Variants in NOP2 observed in about 807,000 individuals in gnomAD.
NOP2 encodes NOP2 nucleolar protein, also known as 28S rRNA (cytosine(4447)-C(5))-methyltransferase.
A neutral mutation model predicts 72.7 loss-of-function variants in NOP2; 7 were observed. The observed-to-expected ratio is 0.10, with a 90% CI of 0.05 to 0.18. The LOEUF is 0.18. Among genes scored for constraint, NOP2 ranks in the 10% least tolerant of loss-of-function variants. NOP2 has a pLI of 1.00. For synonymous variants in NOP2, 387 were observed against 388.0 expected, an observed-to-expected ratio of 1.00 and a Z score of 0.03; for missense variants, 954 against 1,014.7, an observed-to-expected ratio of 0.94 and a Z score of 0.81.
chr12:6,560,886 G>C lies in NOP2; in HGVS notation c.1347+45C>G, dbSNP rs767325526. ...AAACATTGAGGTCAGGAAGGGAGAA[G>C]GTCAACCGGAAGAAGCCTCAGAAGA... On this transcript the variant is annotated intron_variant, in intron 12 of 15. Transcript: ENST00000322166. This position sits in a 1 kb window ranked among gnomAD's most constrained non-coding sequence, Gnocchi z 5.0. The C allele has an allele frequency of 4.3e-6, 7 of 1,612,474 alleles. No individual in the cohort carries two copies. The East Asian group carries it at 6.7e-5, about 15-fold the overall frequency.
At chr12:6,561,189 C>T in intron 11 of NOP2, 119 bp from the exon 12 acceptor site, 1 of 1,232,246 alleles carries the variant, frequency 8.1e-7, no homozygotes, top group Non-Finnish European at 1.1e-6. Flanking sequence ...ACTTCGCTCC[C>T]AACAAGCCTG....
In NOP2 at chr12:6,563,659, C is replaced by T. The variant is rs530987192; in HGVS notation, c.643G>A (p.Asp215Asn). Residue 215 changes from aspartate (D) to asparagine (N), a missense_variant, in exon 7 of 16, where the codon GAT becomes AAT. Asp to Asn is a conservative substitution (Grantham distance 23). This residue lies in a region of NOP2 where 498 missense variants were observed against 478.3 expected (regional missense o/e 1.04). Coordinates refer to ENST00000322166, the MANE Select transcript of NOP2 (RefSeq NM_001258308.2). ...GGGGGCAGCACAAATGGTTCCTCAT[C>T]CACATTGATCTGCAGGCCCCCATCT... is the stretch of plus-strand genomic sequence containing the variant. ...EADGGLQINV[D>N]EEPFVLPPAG... is the part of the protein sequence containing the mutation. 3 of 1,613,576 alleles carry T rather than the reference C, an allele frequency of 1.9e-6. No homozygotes were observed. The South Asian group carries it at 3.3e-5, about 18-fold the overall frequency.
At position 6,557,577 on chromosome 12, in the gene NOP2, T is replaced by C; in HGVS notation, c.1855A>G (p.Ser619Gly). 1 of 1,613,934 alleles carries C rather than the reference T, an allele frequency of 6.2e-7. No individual in the cohort carries two copies. Among genetic ancestry groups the C allele is most frequent in the Non-Finnish European group, 8.5e-7 (1 of 1,179,844 alleles). Residue 619 changes from serine (S) to glycine (G), a missense_variant, in exon 16 of 16, where the codon AGC becomes GGC. This residue lies in a region of NOP2 where 269 missense variants were observed against 260.2 expected (regional missense o/e 1.03). Transcript: ENST00000322166. Reference protein sequence around the residue: ...LPQVIPKSENSSQPAKKAKGA... With the variant: ...LPQVIPKSENGSQPAKKAKGA... ...TTGGCTTTCTTGGCTGGCTGGCTGC[T>C]GTTCTCAGACTTGGGGATGACCTGA... is the stretch of plus-strand genomic sequence containing the variant.
chr12:6,568,163 G>A (rs907825743), intron 1 of NOP2, 44 bp downstream of exon 1: 6 of 538,858 alleles, frequency 1.1e-5, no homozygotes, highest in East Asian at 3.3e-5. Flanking sequence ...CCCAGACCAG[G>A]TCAGTGCTGC....
Position 6,557,585 on chromosome 12 carries a change from G to A in NOP2, c.1847C>T (p.Ser616Phe). ...CTTGGCTGGCTGGCTGCTGTTCTCA[G>A]ACTTGGGGATGACCTGAGGCAAGTC... ...NVDLPQVIPK[S>F]ENSSQPAKKA... The change falls in exon 16 of 16, where the codon TCT (serine) becomes TTT (phenylalanine). Residue 616 changes from serine to phenylalanine, a missense_variant. Physicochemically the swap from Ser to Phe is radical, Grantham distance 155. Coordinates refer to ENST00000322166, the MANE Select transcript of NOP2 (RefSeq NM_001258308.2). 1.9e-6 allele frequency: 3 copies of A among 1,613,850 alleles called. No individual in the cohort carries two copies. Among genetic ancestry groups the A allele is most frequent in the Non-Finnish European group, 2.5e-6 (3 of 1,179,812 alleles).
rs766643315 is a variant in NOP2, at chr12:6,567,809, T to C, written c.103+7A>G. The C allele has an allele frequency of 2.0e-5, 33 of 1,612,514 alleles. 1 individual carries two copies. In the South Asian group the frequency reaches 3.6e-4, roughly 18 times the overall value. ...TGAGGGATCAGGAGGCCACAACTAA[T>C]CCTTACCTGCAGGCAAGAATCTGAC... On this transcript the variant is annotated splice_region_variant and intron_variant, in intron 2 of 15. Coordinates refer to ENST00000322166, the MANE Select transcript of NOP2 (RefSeq NM_001258308.2).
chr12:6,563,999 TA>T, intron 5 of NOP2, 53 bp from the exon 6 acceptor site: 2 of 1,587,650 alleles, frequency 1.3e-6, no homozygotes, highest in Non-Finnish European at 1.7e-6. Context: ...TCAGCCCTTG[TA>T]GCAGTTCTAT....
At chr12:6,566,462 C>T (rs1032014045) in intron 4 of NOP2, 67 bp downstream of exon 4, 16 of 1,538,154 alleles carry the variant, frequency 1.0e-5, no homozygotes, top group African/African-American at 9.6e-5. Flanking sequence ...AAATGTTTAG[C>T]GAGTTCTTCC....
intron 15 of NOP2, among the ~76,000 whole-genome samples, 182 bp downstream of exon 15, chr12:6,559,916 A>G (rs1467318136): frequency 1.3e-5 from 2 of 152,218 alleles, no homozygotes; most frequent in Admixed American, 1.3e-4. Flanking sequence ...GCCTGTTCAC[A>G]TGGGGTCCAG....
chr12:6,561,081 G>GGCA lies in NOP2; in HGVS notation c.1208-14_1208-12dup, dbSNP rs769901556. ...TCTTCATCAGCTGGGCTAAAGAGAG[G>GGCA]GCAGTAACAGTGCTGATCAGCCAGT... On this transcript the variant is annotated splice_polypyrimidine_tract_variant and intron_variant, in intron 11 of 15. Coordinates refer to ENST00000322166, the MANE Select transcript of NOP2 (RefSeq NM_001258308.2). 17 of 1,613,740 alleles carry GGCA rather than the reference G, an allele frequency of 1.1e-5. No individual in the cohort carries two copies. The highest frequency in any genetic ancestry group is 3.3e-4 in the Middle Eastern group (2 of 6,052).
Position 6,566,606 on chromosome 12 carries a change from C to T in NOP2, c.161G>A (p.Arg54Lys), listed in dbSNP as rs1947785885. The change falls in exon 4 of 16, where the codon AGG becomes AAG. Residue 54 changes from arginine to lysine, a missense_variant. Transcript: ENST00000322166. ...AGGGGCTTCAACAGAGCCCAATCTC[C>T]TCTTGGCTGCCCTGAAAAGACACAA... ...SSRARKRAAK[R>K]RLGSVEAPKT... 1.9e-6 allele frequency: 3 copies of T among 1,604,298 alleles called. No homozygotes were observed. The highest frequency in any genetic ancestry group is 1.1e-5 in the South Asian group (1 of 91,008).
intron 5 of NOP2, chr12:6,564,221 A>G: frequency 6.1e-6 from 4 of 651,390 alleles, no homozygotes; most frequent in South Asian, 4.7e-5. Flanking sequence ...GGTTGCAGTG[A>G]GCCAAGACCG....
Position 6,557,391 on chromosome 12 carries a change from G to A in NOP2, c.2041C>T (p.Gln681Ter), listed in dbSNP as rs749371949. The change falls in exon 16 of 16, where the codon CAG becomes TAG. Residue 681 changes from glutamine (Q) to a stop codon, truncating the protein, a stop_gained. Coordinates refer to ENST00000322166, the MANE Select transcript of NOP2 (RefSeq NM_001258308.2). LOFTEE classifies it low-confidence loss of function (END_TRUNC). ...QASSSFQDSS[Q>*]PAGKAEGIRE... ...ATCCCTTCGGCTTTTCCAGCTGGCT[G>A]ACTGCTATCCTGGAAGCTGGAGGAA... is the stretch of plus-strand genomic sequence containing the variant. The A allele has an allele frequency of 3.7e-6, 6 of 1,613,934 alleles. No individual in the cohort carries two copies. Among genetic ancestry groups the A allele is most frequent in the South Asian group, 1.1e-5 (1 of 91,084 alleles).
intron 5 of NOP2, among the ~76,000 whole-genome samples, chr12:6,565,030 C>T (rs1947743051): frequency 2.0e-5 from 3 of 152,102 alleles, no homozygotes; most frequent in South Asian, 4.2e-4. Context: ...TTATTCTATA[C>T]GATTCTAATA....
chr12:6,556,976 G>C lies in NOP2; in HGVS notation c.*17C>G, dbSNP rs370769179. 1.2e-6 allele frequency: 2 copies of C among 1,613,518 alleles called. No individual in the cohort carries two copies. Among genetic ancestry groups the C allele is most frequent in the South Asian group, 1.1e-5 (1 of 91,056 alleles). On this transcript the variant is annotated 3_prime_UTR_variant, in exon 16 of 16. Coordinates refer to ENST00000322166, the MANE Select transcript of NOP2 (RefSeq NM_001258308.2). ...TGGTGACAATGGCAGTGAGCCACCC[G>C]TCTAGTTTTCAACCATCTAAGATAG...
Position 6,563,304 on chromosome 12 carries a change from C to A in NOP2, c.888+11G>T. 1.3e-6 allele frequency: 2 copies of A among 1,579,166 alleles called. No homozygotes were observed. Among genetic ancestry groups the A allele is most frequent in the Non-Finnish European group, 1.7e-6 (2 of 1,162,132 alleles). ...AAGAAAAGCAAAAGAGGCATTCTGGCAATCCAGTACCTCAGACAGAGGGAA... is the reference window on the plus strand; with the variant it reads ...AAGAAAAGCAAAAGAGGCATTCTGGAAATCCAGTACCTCAGACAGAGGGAA... On this transcript the variant is annotated intron_variant, in intron 8 of 15. Coordinates refer to ENST00000322166, the MANE Select transcript of NOP2 (RefSeq NM_001258308.2).
rs77238378 is a variant in NOP2 at position 6,561,462 on chromosome 12, T to C, written c.1207+202A>G. 3.6e-3 allele frequency among the ~76,000 whole-genome samples: 554 copies of C among 152,304 alleles called. 3 individuals are homozygous for C. Among genetic ancestry groups the C allele is most frequent in the African/African-American group, 0.013 (532 of 41,558 alleles). Reference sequence around the variant, plus strand: ...CACAATTACCATCCCATTTTATGGATGACAAAAGAGAATCCATAGTCAGAT... The same window carrying C: ...CACAATTACCATCCCATTTTATGGACGACAAAAGAGAATCCATAGTCAGAT... On this transcript the variant is annotated intron_variant, in intron 11 of 15. Transcript: ENST00000322166.
At chr12:6,561,361 C>CTGAAT (rs1232684565) in intron 11 of NOP2, among the ~76,000 whole-genome samples, 1 of 152,232 alleles carries the variant, frequency 6.6e-6, no homozygotes, top group African/African-American at 2.4e-5. Flanking sequence ...TGACTATGTG[C>CTGAAT]TGAACACTGC....
chr12:6,564,540 G>A (rs1263143332), intron 5 of NOP2, among the ~76,000 whole-genome samples: 1 of 151,824 alleles, frequency 6.6e-6, no homozygotes, highest in East Asian at 2.0e-4. Flanking sequence ...TGATTCTCCT[G>A]CCTCAGCCTC....
Sources: gnomAD v4.1 joint callset for allele counts (sites outside exome capture counted in the v4.1 genomes callset) on GRCh38, gnomAD v4.1.1 for gene constraint, gnomAD v4.1.1 regional missense constraint, Gnocchi (gnomAD v3.1) non-coding constraint, MANE v1.5 for transcripts, NCBI Gene and HGNC (gene_info 2026-07-23, HGNC 2026-07-21) for gene names.